Variants in FN3K observed in about 807,000 individuals in gnomAD.
FN3K encodes fructosamine-3-kinase.
FN3K carries 24 observed loss-of-function variants against 24.8 expected under a neutral mutation model. That is an observed-to-expected ratio of 0.97 (90% CI 0.70 to 1.36). FN3K has a LOEUF of 1.36. Among genes scored for constraint, FN3K ranks in the 40% most tolerant of loss-of-function variants. FN3K has a pLI of 0.00. For synonymous variants in FN3K, 192 were observed against 175.2 expected (o/e 1.10, Z -0.76); for missense variants, 449 against 416.7 (o/e 1.08, Z -0.67).
In FN3K at chr17:82,735,690, C is replaced by T. The variant is rs2046895863; in HGVS notation, c.54C>T (p.Gly18=). 1 of 1,542,508 alleles carries T rather than the reference C, an allele frequency of 6.5e-7. No individual in the cohort carries two copies. Among genetic ancestry groups the T allele is most frequent in the Non-Finnish European group, 8.7e-7 (1 of 1,147,004 alleles). Residue 18 remains glycine, a synonymous_variant, in exon 1 of 6, where the codon GGC becomes GGT. Coordinates refer to ENST00000300784, the MANE Select transcript of FN3K (RefSeq NM_022158.4). ...GCACCGCGACCCTGCGGGCCTTCGG[C>T]GGCCCCGGCGCCGGCTGCATCAGCG... ...ELRTATLRAF[G]GPGAGCISEG...
chr17:82,743,200 G>T (rs1008657696), intron 4 of FN3K, among the ~76,000 whole-genome samples: 2 of 152,186 alleles, frequency 1.3e-5, no homozygotes, highest in African/African-American at 4.8e-5. Context: ...TGCAAGTGGC[G>T]GGCTCTACAG....
At chr17:82,737,238 T>C (rs935213099) in intron 1 of FN3K, among the ~76,000 whole-genome samples, 2 of 152,196 alleles carry the variant, frequency 1.3e-5, no homozygotes, top group East Asian at 1.9e-4. Context: ...TTCATGAGGT[T>C]TGATTTTTTT....
Position 82,738,585 on chromosome 17 carries a change from C to T in FN3K, c.238C>T (p.Pro80Ser). The T allele has an allele frequency of 1.2e-6, 2 of 1,614,002 alleles. No homozygotes were observed. The highest frequency in any genetic ancestry group is 1.7e-6 in the Non-Finnish European group (2 of 1,179,990). Residue 80 changes from proline to serine, a missense_variant, in exon 2 of 6, where the codon CCG (proline) becomes TCG (serine). Transcript: ENST00000300784. ...VPRPMKVIDL[P>S]GGGAAFVMEH... ...GAGGCCCATGAAGGTCATCGACCTG[C>T]CGGGAGGTGGGGCCGCCTTTGTGAT... is the stretch of plus-strand genomic sequence containing the variant.
Position 82,741,333 on chromosome 17 carries a change from G to GCC in FN3K, c.409_410dup (p.Gln138LeufsTer12). 1 of 1,613,930 alleles carries GCC rather than the reference G, an allele frequency of 6.2e-7. No homozygotes were observed. Among genetic ancestry groups the GCC allele is most frequent in the Non-Finnish European group, 8.5e-7 (1 of 1,179,900 alleles). On this transcript the variant is annotated frameshift_variant, in exon 4 of 6. Transcript: ENST00000300784. LOFTEE classifies it high-confidence loss of function. The stretch of plus-strand genomic sequence containing the variant: ...CAGGCCGAAGAGGTGAGGGTGCTGA[G>GCC]CCTCAGTATGTGGACAAGTTCGGCT...
chr17:82,735,674 C>T lies in FN3K; in HGVS notation c.38C>T (p.Thr13Ile), dbSNP rs1713802046. 1.9e-6 allele frequency: 3 copies of T among 1,539,810 alleles called. No homozygotes were observed. The highest frequency in any genetic ancestry group is 2.4e-5 in the South Asian group (2 of 83,572). ...QLLRAELRTA[T>I]LRAFGGPGAG... ...CTGCGCGCCGAGCTGCGCACCGCGA[C>T]CCTGCGGGCCTTCGGCGGCCCCGGC... The change falls in exon 1 of 6, where the codon ACC becomes ATC. Residue 13 changes from threonine (T) to isoleucine (I), a missense_variant. Thr to Ile is a moderately conservative substitution (Grantham distance 89). Transcript: ENST00000300784.
At position 82,741,295 on chromosome 17, in the gene FN3K, G is replaced by A. The variant is rs753429946; in HGVS notation, c.386-16G>A. ...AAGACAAACAGCTCCTTCAGGCCAA[G>A]GATCTCTGTCAACAGGCCGAAGAGG... On this transcript the variant is annotated splice_polypyrimidine_tract_variant and intron_variant, in intron 3 of 5. Transcript: ENST00000300784. 1.9e-6 allele frequency: 3 copies of A among 1,612,306 alleles called. No homozygotes were observed. Among genetic ancestry groups the A allele is most frequent in the South Asian group, 1.1e-5 (1 of 90,670 alleles).
chr17:82,742,874 A>G (rs905401157), intron 4 of FN3K: 2 of 361,814 alleles, frequency 5.5e-6, no homozygotes, highest in African/African-American at 4.3e-5. Context: ...CCCTGCGAAC[A>G]ATGACCAAGC....
intron 3 of FN3K, chr17:82,741,083 C>T (rs1383274423): frequency 6.1e-6 from 4 of 660,950 alleles, no homozygotes; most frequent in Admixed American, 4.5e-5. Context: ...GTCTGGTGTG[C>T]TTGAGGTAAT....
chr17:82,750,708 G>T lies in FN3K; in HGVS notation c.883G>T (p.Glu295Ter). 6.2e-7 allele frequency: 1 copy of T among 1,613,684 alleles called. No individual in the cohort carries two copies. Among genetic ancestry groups the T allele is most frequent in the Non-Finnish European group, 8.5e-7 (1 of 1,179,980 alleles). Residue 295 changes from glutamate to a stop codon, truncating the protein, a stop_gained, in exon 6 of 6, where the codon GAG (glutamate) becomes TAG (stop). Coordinates refer to ENST00000300784, the MANE Select transcript of FN3K (RefSeq NM_022158.4). LOFTEE classifies it low-confidence loss of function (END_TRUNC). ...YLNHWNHFGR[E>*]YRSPSLGTMR... ...GAACCACTGGAACCACTTCGGGCGG[G>T]AGTACAGGAGCCCTTCCTTGGGCAC...
In FN3K at chr17:82,736,673, G is replaced by T. The variant is rs568617571; in HGVS notation, c.141+896G>T. 2.6e-5 allele frequency among the ~76,000 whole-genome samples: 4 copies of T among 152,320 alleles called. No individual in the cohort carries two copies. The East Asian group carries it at 7.7e-4, about 29-fold the overall frequency. On this transcript the variant is annotated intron_variant, in intron 1 of 5. Transcript: ENST00000300784. ...GGGCTCAGAAGGCCCTGCACACTCT[G>T]GTGGGGGAGCTCTCTGAGGGGCAGC...
chr17:82,741,098 A>G (rs2046938689), intron 3 of FN3K: 1 of 667,538 alleles, frequency 1.5e-6, no homozygotes, highest in South Asian at 1.7e-5. Context: ...GGTAATAATA[A>G]CCCCTTTTAT....
At position 82,750,800 on chromosome 17, in the gene FN3K, TCC is replaced by T; in HGVS notation, c.*48_*49del. ...CCCTGTCCCCGTCCCCGTCTCCGTC[TCC>T]CCGTCCCTGTCCCCCCGTCCCCCGT... On this transcript the variant is annotated 3_prime_UTR_variant, in exon 6 of 6. Transcript: ENST00000300784. 7.1e-7 allele frequency: 1 copy of T among 1,402,838 alleles called. No homozygotes were observed. The highest frequency in any genetic ancestry group is 9.5e-7 in the Non-Finnish European group (1 of 1,058,122). The allele number at this position is 1,402,838 out of a possible 1,614,324, so 86.9% of individuals were successfully genotyped here. A position where few individuals can be genotyped will look rare whatever the true frequency, so the allele number is the denominator to read the frequency against.
intron 3 of FN3K, 130 bp from the exon 4 acceptor site, chr17:82,741,181 G>A (rs2046939119): frequency 5.0e-6 from 4 of 804,758 alleles, no homozygotes; most frequent in African/African-American, 1.7e-5. Flanking sequence ...AATTGCTACT[G>A]TATGTAGTAC....
chr17:82,745,664 G>A (rs1481718866), intron 4 of FN3K: 2 of 152,184 alleles, frequency 1.3e-5, no homozygotes, highest in African/African-American at 4.8e-5. Context: ...ATCATTTCCA[G>A]TTTTTGCTCA....
intron 4 of FN3K, among the ~76,000 whole-genome samples, chr17:82,748,450 C>T (rs757515017): frequency 6.6e-6 from 1 of 151,826 alleles, no homozygotes; most frequent in Non-Finnish European, 1.5e-5. Flanking sequence ...GCCTGGCCTC[C>T]AGCTTTCTTT....
chr17:82,748,031 C>T (rs2143652235), intron 4 of FN3K, among the ~76,000 whole-genome samples: 1 of 152,170 alleles, frequency 6.6e-6, no homozygotes, highest in African/African-American at 2.4e-5. Context: ...GAGGTGTAGG[C>T]ATTTAGGATT....
At chr17:82,741,162 A>G (rs1398532290) in intron 3 of FN3K, 149 bp from the exon 4 acceptor site, 2 of 751,914 alleles carry the variant, frequency 2.7e-6, no homozygotes, top group African/African-American at 3.4e-5. Flanking sequence ...GCAGATCCAT[A>G]TATTGACTAA....
chr17:82,749,032 G>A (rs145719420), intron 5 of FN3K, 55 bp downstream of exon 5: 27 of 1,611,194 alleles, frequency 1.7e-5, no homozygotes, highest in South Asian at 5.5e-5. Context: ...TGATCCCGCC[G>A]CATTTGTGCG....
At chr17:82,736,058 G>A in intron 1 of FN3K, 1 of 420,708 alleles carries the variant, frequency 2.4e-6, no homozygotes, top group Admixed American at 4.1e-5. Context: ...TGAGGCTTGG[G>A]GTCCTTGGCT....
Sources: gnomAD v4.1 joint callset for allele counts (sites outside exome capture counted in the v4.1 genomes callset) on GRCh38, gnomAD v4.1.1 for gene constraint, MANE v1.5 for transcripts, NCBI Gene and HGNC (gene_info 2026-07-23, HGNC 2026-07-21) for gene names.